The following MAGI2 variants were observed in gnomAD, a reference collection of about 807,000 sequenced individuals.
The protein encoded by MAGI2 is membrane associated guanylate kinase, WW and PDZ domain containing 2, also known as membrane-associated guanylate kinase, WW and PDZ domain-containing protein 2.
MAGI2 carries 35 observed loss-of-function variants against 133.3 expected under a neutral mutation model. The observed-to-expected ratio is 0.26, with a 90% CI of 0.20 to 0.35. MAGI2 has a LOEUF of 0.35. Ranked by LOEUF, MAGI2 falls within the 10% of genes least tolerant of loss-of-function variation. MAGI2 has a pLI of 1.00. For synonymous variants in MAGI2, 729 were observed against 710.6 expected, an observed-to-expected ratio of 1.03 and a Z score of -0.41; for missense variants, 1,636 against 1,863.4, an observed-to-expected ratio of 0.88 and a Z score of 2.25.
At chr7:78,894,640 C>T (rs1211024132) in intron 2 of MAGI2, among the ~76,000 whole-genome samples, 1 of 151,866 alleles carries the variant, frequency 6.6e-6, no homozygotes, top group East Asian at 1.9e-4. Flanking sequence ...CCCAAGAAAC[C>T]AGTTTAAATT....
At chr7:78,154,693 G>C (rs1362085412) in intron 16 of MAGI2, among the ~76,000 whole-genome samples, 1 of 152,108 alleles carries the variant, frequency 6.6e-6, no homozygotes, top group African/African-American at 2.4e-5. Context: ...AAAAGGTGGA[G>C]ACTTTCAAAT....
chr7:78,664,212 G>T (rs191487094), intron 2 of MAGI2, among the ~76,000 whole-genome samples: 5 of 152,154 alleles, frequency 3.3e-5, no homozygotes, highest in Admixed American at 3.3e-4. Context: ...GACCCATGTT[G>T]ATATATGTAT....
chr7:78,941,728 T>TCACACACACACACACACACA (rs3068585), intron 2 of MAGI2, among the ~76,000 whole-genome samples: 1 of 123,382 alleles, frequency 8.1e-6, no homozygotes, highest in African/African-American at 3.0e-5. Flanking sequence ...GCCTATTTCA[T>TCACACACACACACACACACA]CACACACACA....
intron 1 of MAGI2, among the ~76,000 whole-genome samples, chr7:79,039,884 A>T (rs973352223): frequency 1.4e-4 from 20 of 145,864 alleles, no homozygotes; most frequent in African/African-American, 4.8e-4. Flanking sequence ...ATGTATATAT[A>T]ATATATACAA....
chr7:79,087,434 T>C (rs953706395), intron 1 of MAGI2, among the ~76,000 whole-genome samples: 2 of 151,960 alleles, frequency 1.3e-5, no homozygotes, highest in African/African-American at 2.4e-5. Context: ...GTGTTATACA[T>C]TGAAGGCTTT....
At chr7:78,490,067 C>A in intron 5 of MAGI2, 1 of 471,186 alleles carries the variant, frequency 2.1e-6, no homozygotes, top group Non-Finnish European at 3.7e-6. Flanking sequence ...TTATTAAAAT[C>A]AACTAGAATG....
intron 1 of MAGI2, among the ~76,000 whole-genome samples, chr7:79,136,085 GA>G (rs1457111882): frequency 1.1e-3 from 152 of 138,148 alleles, no homozygotes; most frequent in Admixed American, 2.0e-3. Context: ...AAGAAAGAAA[GA>G]AAGAAAGAAA....
chr7:78,607,810 A>G (rs1179532116), intron 3 of MAGI2, among the ~76,000 whole-genome samples: 1 of 152,176 alleles, frequency 6.6e-6, no homozygotes, highest in Non-Finnish European at 1.5e-5. Context: ...CAGATCCATG[A>G]GAGCTCTGAA....
At chr7:78,041,172 G>C (rs979237652) in intron 21 of MAGI2, among the ~76,000 whole-genome samples, 2 of 152,144 alleles carry the variant, frequency 1.3e-5, no homozygotes, top group African/African-American at 4.8e-5. Context: ...GCGATGGAAG[G>C]CTCCTTCAGC....
At chr7:78,606,974 C>G (rs1338389010) in intron 3 of MAGI2, among the ~76,000 whole-genome samples, 1 of 152,114 alleles carries the variant, frequency 6.6e-6, no homozygotes, top group Non-Finnish European at 1.5e-5. Flanking sequence ...AAATGTAACT[C>G]AAATTTTCCA....
chr7:79,125,541 T>C (rs547178651), intron 1 of MAGI2: 13 of 512,790 alleles, frequency 2.5e-5, no homozygotes, highest in African/African-American at 1.2e-4. Context: ...GCAGTGGCTA[T>C]GGTGGGAGTG....
intron 21 of MAGI2, among the ~76,000 whole-genome samples, chr7:78,076,714 C>T (rs1192658981): frequency 8.7e-5 from 13 of 149,638 alleles, no homozygotes; most frequent in Admixed American, 5.3e-4. Flanking sequence ...GGCGCGGTGG[C>T]GGGCGCCTGT....
At chr7:78,854,650 C>CT (rs113049693) in intron 2 of MAGI2, among the ~76,000 whole-genome samples, 9,801 of 143,456 alleles carry the variant, frequency 0.068, 387 homozygotes, top group Non-Finnish European at 0.1. Flanking sequence ...TTCTGGATTC[C>CT]TTTTTTTTTT....
chr7:78,449,934 C>T (rs933708628), intron 6 of MAGI2, among the ~76,000 whole-genome samples: 3 of 152,078 alleles, frequency 2.0e-5, no homozygotes, highest in Admixed American at 6.6e-5. Context: ...ATTTTACAGG[C>T]TTTCGATAAC....
chr7:79,394,996 T>C (rs552229375), intron 1 of MAGI2, among the ~76,000 whole-genome samples: 3 of 152,322 alleles, frequency 2.0e-5, no homozygotes, highest in East Asian at 1.9e-4. Context: ...TACAGAAATA[T>C]GAAATTCTGA....
At chr7:78,337,821 C>T in intron 9 of MAGI2, among the ~76,000 whole-genome samples, 1 of 152,128 alleles carries the variant, frequency 6.6e-6, no homozygotes, top group East Asian at 1.9e-4. Context: ...ATTGACTAGG[C>T]TATACTGTAA....
intron 3 of MAGI2, among the ~76,000 whole-genome samples, chr7:78,586,454 GA>G (rs561221383): frequency 4.4e-4 from 66 of 150,778 alleles, no homozygotes; most frequent in Non-Finnish European, 8.0e-4. Flanking sequence ...ATAAGAAGAA[GA>G]AAAGGCTCAA....
At chr7:78,400,194 A>G (rs1325765364) in intron 6 of MAGI2, among the ~76,000 whole-genome samples, 1 of 152,202 alleles carries the variant, frequency 6.6e-6, no homozygotes, top group African/African-American at 2.4e-5. Context: ...AAGATTCTCC[A>G]GAGAAAATCT....
intron 7 of MAGI2, among the ~76,000 whole-genome samples, chr7:78,361,339 G>A (rs1399209650): frequency 1.3e-5 from 2 of 148,198 alleles, no homozygotes; most frequent in Non-Finnish European, 3.0e-5. Flanking sequence ...CTTGCAGTGA[G>A]CCAAGATCGT....
Sources: gnomAD v4.1 joint callset for allele counts (sites outside exome capture counted in the v4.1 genomes callset) on GRCh38, gnomAD v4.1.1 for gene constraint, MANE v1.5 for transcripts, NCBI Gene and HGNC (gene_info 2026-07-23, HGNC 2026-07-21) for gene names.